The following MPRIP variants were observed in gnomAD, a reference collection of about 807,000 sequenced individuals.
MPRIP encodes myosin phosphatase Rho-interacting protein.
Under a neutral mutation model 234.9 loss-of-function variants are expected in MPRIP, and 59 were observed. The ratio of observed to expected loss-of-function variants is 0.25; its 90% CI spans 0.20 to 0.31. MPRIP has a LOEUF of 0.31. Ranked by LOEUF, MPRIP falls within the 10% of genes least tolerant of loss-of-function variation. The pLI, the probability that MPRIP is intolerant of heterozygous loss-of-function variation, is 1.00. For missense variants in MPRIP, 2,436 were observed against 3,071.0 expected (o/e 0.79, Z 4.89); for synonymous variants, 1,144 against 1,263.9 (o/e 0.91, Z 2.01).
Position 17,167,171 on chromosome 17 carries a change from GAAGGAGCTCCAGCTCTGC to G in MPRIP, c.5587_5604del (p.Leu1863_Glu1868del). 7.7e-7 allele frequency: 1 copy of G among 1,304,136 alleles called. No homozygotes were observed. Among genetic ancestry groups the G allele is most frequent in the Non-Finnish European group, 1.0e-6 (1 of 988,942 alleles). The allele number at this position is 1,304,136 out of a possible 1,614,324, so 80.8% of individuals were successfully genotyped here. A position where few individuals can be genotyped will look rare whatever the true frequency, so the allele number is the denominator to read the frequency against. ...CCTGCAGAATCCGGCTAGAATATGAGAAGGAGCTCCAGCTCTGCAAGGAGTCCTGGCAAACCCGGGAGC... is the reference window on the plus strand; with the variant it reads ...CCTGCAGAATCCGGCTAGAATATGAGAAGGAGTCCTGGCAAACCCGGGAGC... On this transcript the variant is annotated inframe_deletion, in exon 16 of 24. Coordinates refer to ENST00000651222, the MANE Select transcript of MPRIP (RefSeq NM_001364716.4). This position sits in a 1 kb window ranked among gnomAD's most constrained non-coding sequence, Gnocchi z 5.9.
At chr17:17,118,588 G>A (rs2090329871) in intron 3 of MPRIP, among the ~76,000 whole-genome samples, 1 of 152,200 alleles carries the variant, frequency 6.6e-6, no homozygotes, top group Admixed American at 6.5e-5. Context: ...TTTGAACCAT[G>A]AGGACTGTGG....
Position 17,165,157 on chromosome 17 carries a change from A to G in MPRIP, c.3566A>G (p.Asn1189Ser), listed in dbSNP as rs575428725. The stretch of plus-strand genomic sequence containing the variant: ...CTGGAGAAGAAGGAGCAGGACCTCA[A>G]TGAGGCTTTGGTTAAAATGGTTGCC... ...KVLEKKEQDL[N>S]EALVKMVALG... Residue 1189 changes from asparagine to serine, a missense_variant, in exon 16 of 24, where the codon AAT becomes AGT. Physicochemically the swap from Asn to Ser is conservative, Grantham distance 46. This residue lies in a region of MPRIP where 1,998 missense variants were observed against 2,520.3 expected (regional missense o/e 0.79). Coordinates refer to ENST00000651222, the MANE Select transcript of MPRIP (RefSeq NM_001364716.4). 36 of 1,304,238 alleles carry G rather than the reference A, an allele frequency of 2.8e-5. No homozygotes were observed. Among genetic ancestry groups the G allele is most frequent in the Middle Eastern group, 2.1e-4 (1 of 4,700 alleles). The allele number at this position is 1,304,238 out of a possible 1,614,324, so 80.8% of individuals were successfully genotyped here. A position where few individuals can be genotyped will look rare whatever the true frequency, so the allele number is the denominator to read the frequency against.
At chr17:17,076,271 T>C (rs1249092688) in intron 2 of MPRIP, 2 of 152,748 alleles carry the variant, frequency 1.3e-5, no homozygotes, top group African/African-American at 4.8e-5. Context: ...GCTGGGACCA[T>C]CATTGGCCTG....
At chr17:17,147,049 T>TA (rs1312860707) in intron 10 of MPRIP, among the ~76,000 whole-genome samples, 20 of 152,104 alleles carry the variant, frequency 1.3e-4, no homozygotes, top group Non-Finnish European at 2.8e-4. Context: ...CCATTGGTCA[T>TA]AGAGCCCACA....
chr17:17,154,218 T>TACC lies in MPRIP; in HGVS notation c.1720-87_1720-85dup, dbSNP rs377509086. The TACC allele has an allele frequency of 2.4e-4, 267 of 1,117,034 alleles. 1 individual carries two copies. The African/African-American group carries it at 3.7e-3, about 16-fold the overall frequency. The allele number at this position is 1,117,034 out of a possible 1,614,324, so 69.2% of individuals were successfully genotyped here. ...CACAGCCTTTCTCCCTGTGGGACTTTACCCAGTGCAGGGAGCTTCTTTGGA... is the reference window on the plus strand; with the variant it reads ...CACAGCCTTTCTCCCTGTGGGACTTTACCACCCAGTGCAGGGAGCTTCTTTGGA... On this transcript the variant is annotated intron_variant, in intron 12 of 23. Coordinates refer to ENST00000651222, the MANE Select transcript of MPRIP (RefSeq NM_001364716.4).
intron 12 of MPRIP, among the ~76,000 whole-genome samples, chr17:17,153,865 G>T (rs2045664904): frequency 6.6e-6 from 1 of 152,068 alleles, no homozygotes; most frequent in African/African-American, 2.4e-5. Flanking sequence ...CTGTGTGAGT[G>T]CAGACTGCAG....
intron 1 of MPRIP, among the ~76,000 whole-genome samples, chr17:17,065,976 A>T (rs879470275): frequency 1.3e-5 from 2 of 152,194 alleles, no homozygotes; most frequent in African/African-American, 4.8e-5. Flanking sequence ...TAGAGATACA[A>T]TTGATTTTTG....
chr17:17,061,734 G>A (rs545568015), intron 1 of MPRIP, among the ~76,000 whole-genome samples: 1 of 152,238 alleles, frequency 6.6e-6, no homozygotes, highest in South Asian at 2.1e-4. Flanking sequence ...GTGGAGCCTG[G>A]TGTGAGGGAG....
At chr17:17,110,064 G>A (rs1041224319) in intron 3 of MPRIP, among the ~76,000 whole-genome samples, 1 of 152,142 alleles carries the variant, frequency 6.6e-6, no homozygotes, top group Non-Finnish European at 1.5e-5. Context: ...CTCATGAGTA[G>A]ATCAGTGCCC....
At chr17:17,115,827 C>G (rs796164930) in intron 3 of MPRIP, among the ~76,000 whole-genome samples, 1 of 152,104 alleles carries the variant, frequency 6.6e-6, no homozygotes, top group Non-Finnish European at 1.5e-5. Flanking sequence ...TGGCTTCAGA[C>G]CAACACCATG....
chr17:17,042,814 C>T lies in MPRIP; in HGVS notation c.-35C>T, dbSNP rs1567675507. 2 of 1,313,562 alleles carry T rather than the reference C, an allele frequency of 1.5e-6. No homozygotes were observed. The highest frequency in any genetic ancestry group is 2.6e-5 in the Admixed American group (1 of 38,762). The allele number at this position is 1,313,562 out of a possible 1,614,324, so 81.4% of individuals were successfully genotyped here. ...GAGCGCCAGGCCGGCCAGGCCTGCG[C>T]CGCCGCCGCCGCCGCCGTCGCCGCC... On this transcript the variant is annotated 5_prime_UTR_variant, in exon 1 of 24. Coordinates refer to ENST00000651222, the MANE Select transcript of MPRIP (RefSeq NM_001364716.4).
intron 3 of MPRIP, among the ~76,000 whole-genome samples, chr17:17,098,904 C>G (rs2089904671): frequency 6.6e-6 from 1 of 152,264 alleles, no homozygotes; most frequent in South Asian, 2.1e-4. Flanking sequence ...TTTATCTCCA[C>G]ATTTTCCCAG....
rs1330150548 is a variant in MPRIP at position 17,167,099 on chromosome 17, A to G, written c.5508A>G (p.Ser1836=). Residue 1836 remains serine, a synonymous_variant, in exon 16 of 24, where the codon TCA becomes TCG. Transcript: ENST00000651222. This position sits in a 1 kb window ranked among gnomAD's most constrained non-coding sequence, Gnocchi z 5.9. ...TCLGGLGQYS[S]LLVQDAIIQA... ...TGGGAGGCCTCGGTCAGTATTCTTCATTGTTGGTTCAGGATGCCATTATTC... is the reference window on the plus strand; with the variant it reads ...TGGGAGGCCTCGGTCAGTATTCTTCGTTGTTGGTTCAGGATGCCATTATTC... 3 of 1,304,066 alleles carry G rather than the reference A, an allele frequency of 2.3e-6. No individual in the cohort carries two copies. Among genetic ancestry groups the G allele is most frequent in the East Asian group, 5.6e-5 (1 of 18,002 alleles). 80.8% of individuals were successfully genotyped at this position (1,304,066 alleles called of 1,614,324 possible).
In MPRIP at chr17:17,143,586, C is replaced by G. The variant is rs563021517; in HGVS notation, c.1420C>G (p.Leu474Val). Residue 474 changes from leucine to valine, a missense_variant, in exon 9 of 24, where the codon CTC (leucine) becomes GTC (valine). Coordinates refer to ENST00000651222, the MANE Select transcript of MPRIP (RefSeq NM_001364716.4). ...DFTNEAPPAPLPDASASPLSP... is the reference protein window; with the variant it reads ...DFTNEAPPAPVPDASASPLSP... ...CACCAATGAAGCCCCCCCAGCTCCT[C>G]TCCCAGACGCCTCGGCTTCCCCCCT... 6.2e-7 allele frequency: 1 copy of G among 1,603,698 alleles called. No individual in the cohort carries two copies. The highest frequency in any genetic ancestry group is 1.3e-5 in the African/African-American group (1 of 74,642).
chr17:17,086,346 A>G (rs2089590588), intron 3 of MPRIP, among the ~76,000 whole-genome samples: 1 of 152,236 alleles, frequency 6.6e-6, no homozygotes, highest in South Asian at 2.1e-4. Flanking sequence ...TTTTCAGGAC[A>G]CAGAGCCTTA....
chr17:17,153,912 G>C (rs2045666290), intron 12 of MPRIP, among the ~76,000 whole-genome samples: 1 of 152,022 alleles, frequency 6.6e-6, no homozygotes, highest in Non-Finnish European at 1.5e-5. Flanking sequence ...CGCCCTTCCG[G>C]ATTCCCCACC....
intron 3 of MPRIP, among the ~76,000 whole-genome samples, chr17:17,115,104 G>A (rs1437323970): frequency 6.6e-6 from 1 of 152,238 alleles, no homozygotes; most frequent in Non-Finnish European, 1.5e-5. Flanking sequence ...GGCATTAGCA[G>A]ATGCTGCACA....
chr17:17,149,989 G>C (rs1359412943), intron 11 of MPRIP, 155 bp from the exon 12 acceptor site: 1 of 622,192 alleles, frequency 1.6e-6, no homozygotes, highest in African/African-American at 1.8e-5. Flanking sequence ...GAGGGGCCTG[G>C]GTCATGCAGT....
At chr17:17,094,142 T>G (rs926142227) in intron 3 of MPRIP, among the ~76,000 whole-genome samples, 2 of 152,132 alleles carry the variant, frequency 1.3e-5, no homozygotes, top group Non-Finnish European at 2.9e-5. Flanking sequence ...TTTTGGTTTG[T>G]TTTTTGGTTT....
Sources: allele counts gnomAD v4.1 joint callset (sites outside exome capture counted in the v4.1 genomes callset), GRCh38; gene constraint gnomAD v4.1.1; regional missense constraint gnomAD v4.1.1; non-coding constraint Gnocchi (gnomAD v3.1); transcripts MANE v1.5; gene names NCBI Gene and HGNC (gene_info 2026-07-23, HGNC 2026-07-21).